SEC16B: variants seen among roughly 807,000 people sequenced by gnomAD.
SEC16B encodes SEC16 homolog B, endoplasmic reticulum export factor.
A neutral mutation model predicts 141.8 loss-of-function variants in SEC16B; 115 were observed. The ratio of observed to expected loss-of-function variants is 0.81; its 90% CI spans 0.70 to 0.95. The LOEUF (loss-of-function observed/expected upper bound fraction) is 0.95, where lower values mean the gene tolerates loss of function less well. Ranked by LOEUF, SEC16B falls within the 40% of genes least tolerant of loss-of-function variation. The pLI is 0.00. For missense variants in SEC16B, 1,291 were observed against 1,312.3 expected, an observed-to-expected ratio of 0.98 and a Z score of 0.25; for synonymous variants, 493 against 492.5, an observed-to-expected ratio of 1.00 and a Z score of -0.01.
At chr1:177,971,493 G>A (rs1653952695), upstream of SEC16B, 1 of 152,186 alleles carries the variant, frequency 6.6e-6, no homozygotes, top group South Asian at 2.1e-4. Context: ...CACATTAACA[G>A]CAGGAATCAG....
rs760211404 is a variant in SEC16B at position 177,929,866 on chromosome 1, G to A, written c.3175C>T (p.Pro1059Ser). 4 of 1,613,880 alleles carry A rather than the reference G, an allele frequency of 2.5e-6. No individual in the cohort carries two copies. The East Asian group carries it at 8.9e-5, about 36-fold the overall frequency. The change falls in exon 26 of 26, where the codon CCA (proline) becomes TCA (serine). Residue 1059 changes from proline (P) to serine (S), a missense_variant. Coordinates refer to ENST00000308284, the MANE Select transcript of SEC16B (RefSeq NM_033127.4). Reference sequence around the variant, plus strand: ...GGGACGTGTGTTTATTCTCAGCATGGCTGGGTGGGATAGCGACGCTGAGCT... The same window carrying A: ...GGGACGTGTGTTTATTCTCAGCATGACTGGGTGGGATAGCGACGCTGAGCT... The part of the protein sequence containing the change: ...RLAQRRYPTQ[P>S]C
In SEC16B at chr1:177,933,512, T is replaced by C. The variant is rs1557966181; in HGVS notation, c.2696A>G (p.Lys899Arg). The change falls in exon 21 of 26, where the codon AAG (lysine) becomes AGG (arginine). Residue 899 changes from lysine to arginine, a missense_variant. Lys to Arg is a conservative substitution (Grantham distance 26, BLOSUM62 2). Around this residue, in one of 3 missense-constraint regions of SEC16B, gnomAD observed 605 missense variants for 614.1 expected, o/e 0.99. Coordinates refer to ENST00000308284, the MANE Select transcript of SEC16B (RefSeq NM_033127.4). ...NSPRNTAQRG[K>R]LGDGKEHTKS... ...TGTATGCTCCTTCCCATCTCCGAGCTTGCCTCTCTGGGCAGTATTTCGGGG... is the reference window on the plus strand; with the variant it reads ...TGTATGCTCCTTCCCATCTCCGAGCCTGCCTCTCTGGGCAGTATTTCGGGG... 1.9e-6 allele frequency: 3 copies of C among 1,613,784 alleles called. No homozygotes were observed. Among genetic ancestry groups the C allele is most frequent in the East Asian group, 2.2e-5 (1 of 44,874 alleles).
chr1:177,961,290 G>C lies in SEC16B; in HGVS notation c.787+300C>G, dbSNP rs1447817884. On this transcript the variant is annotated intron_variant, in intron 6 of 25. Transcript: ENST00000308284. ...ACAAAGCAATGAAGCTTTGCATCTTGCTTTTGCTTTTCCTAATTCTCTCTG... is the reference window on the plus strand; with the variant it reads ...ACAAAGCAATGAAGCTTTGCATCTTCCTTTTGCTTTTCCTAATTCTCTCTG... The C allele has an allele frequency of 1.1e-5, 5 of 450,474 alleles. No individual in the cohort carries two copies. In the East Asian group the frequency reaches 2.1e-4, roughly 19 times the overall value. 27.9% of individuals were successfully genotyped at this position (450,474 alleles called of 1,614,324 possible).
At chr1:177,946,676 T>C in intron 13 of SEC16B, 145 bp from the exon 14 acceptor site, 1 of 625,700 alleles carries the variant, frequency 1.6e-6, no homozygotes, top group Non-Finnish European at 2.8e-6. Flanking sequence ...GAGCCTTTCA[T>C]AGCGTGAGTC....
chr1:177,960,702 G>T, intron 7 of SEC16B, 89 bp downstream of exon 7: 1 of 1,402,992 alleles, frequency 7.1e-7, no homozygotes, highest in Non-Finnish European at 9.6e-7. Flanking sequence ...GAGATGCCCC[G>T]GCTCAGGCAC....
intron 15 of SEC16B, 122 bp from the exon 16 acceptor site, chr1:177,942,162 A>C (rs1651326556): frequency 1.8e-6 from 2 of 1,088,138 alleles, no homozygotes; most frequent in Non-Finnish European, 2.6e-6. Context: ...TCCAAATACC[A>C]AGAGGCTTGT....
At chr1:177,974,123 CTT>C (rs5778969), upstream of SEC16B, among the ~76,000 whole-genome samples, 3 of 150,120 alleles carry the variant, frequency 2.0e-5, no homozygotes, top group South Asian at 2.1e-4. Context: ...GAAATGCTAC[CTT>C]TTTTTTTTAT....
intron 20 of SEC16B, among the ~76,000 whole-genome samples, chr1:177,935,353 C>A (rs1159661096): frequency 6.6e-6 from 1 of 152,094 alleles, no homozygotes; most frequent in African/African-American, 2.4e-5. Flanking sequence ...GCGCTACTTT[C>A]ATAAAATCAA....
rs1654443811 is a variant in SEC16B, at chr1:177,982,154, C to T, written c.-59+2052G>A. ...CAAATTACATAAGAACTCAAAAGTG[C>T]CCACTGGAGTCCATAGGGTTGGTGA... On this transcript the variant is annotated intron_variant and NMD_transcript_variant, in intron 1 of 24. Coordinates refer to the SEC16B transcript ENST00000528461. Among the ~76,000 whole-genome samples the T allele has an allele frequency of 5.3e-5, 8 of 152,132 alleles. No individual in the cohort carries two copies. In the South Asian group the frequency reaches 1.7e-3, roughly 32 times the overall value.
At chr1:177,978,721 A>G (rs1370600509) in intron 1 of SEC16B, among the ~76,000 whole-genome samples, 1 of 143,920 alleles carries the variant, frequency 6.9e-6, no homozygotes, top group Non-Finnish European at 1.5e-5. Context: ...ATAAATAAAT[A>G]AATAAATAAA....
intron 20 of SEC16B, 128 bp downstream of exon 20, chr1:177,936,170 G>C (rs879247784): frequency 4.1e-6 from 3 of 727,208 alleles, no homozygotes; most frequent in African/African-American, 3.5e-5. Context: ...AAGGCAAGGC[G>C]AGATGTGGAA....
intron 20 of SEC16B, among the ~76,000 whole-genome samples, chr1:177,936,011 A>C (rs1324848214): frequency 6.6e-6 from 1 of 152,250 alleles, no homozygotes; most frequent in Non-Finnish European, 1.5e-5. Context: ...TTTGTGCAGC[A>C]CTGAGAAGAT....
chr1:177,982,786 T>C (rs957608422), intron 1 of SEC16B, among the ~76,000 whole-genome samples: 1 of 152,198 alleles, frequency 6.6e-6, no homozygotes, highest in Non-Finnish European at 1.5e-5. Context: ...TCACACTTAT[T>C]TCAAGCAATT....
upstream of SEC16B, chr1:177,973,211 T>C (rs1422959309): frequency 6.6e-6 from 1 of 152,230 alleles, no homozygotes; most frequent in African/African-American, 2.4e-5. Context: ...AGGTCAGGTT[T>C]GCCAGGAATC....
At chr1:177,963,902 T>C (rs1653283717) in intron 5 of SEC16B, among the ~76,000 whole-genome samples, 1 of 152,160 alleles carries the variant, frequency 6.6e-6, no homozygotes, top group Non-Finnish European at 1.5e-5. Context: ...TCCCAGTATG[T>C]TGGAGTGAGC....
Position 177,958,954 on chromosome 1 carries a change from A to G in SEC16B, c.1020T>C (p.Asp340=), listed in dbSNP as rs774793179. 6.8e-6 allele frequency: 11 copies of G among 1,613,418 alleles called. No homozygotes were observed. The South Asian group carries it at 1.1e-4, about 16-fold the overall frequency. ...PLIREDVHKV[D]IMTFCQQKAA... Reference sequence around the variant, plus strand: ...CTTTCTGCTGGCAAAACGTCATAATATCCACCTTATGTACATCTTCCCTAC... The same window carrying G: ...CTTTCTGCTGGCAAAACGTCATAATGTCCACCTTATGTACATCTTCCCTAC... Residue 340 remains aspartate, a synonymous_variant, in exon 9 of 26, where the codon GAT becomes GAC. Transcript: ENST00000308284.
At chr1:177,969,424 A>T (rs1015046931) in intron 1 of SEC16B, among the ~76,000 whole-genome samples, 19 of 152,176 alleles carry the variant, frequency 1.2e-4, no homozygotes, top group Admixed American at 1.2e-3. Context: ...GCCAGGTGCA[A>T]TGACAGCCTT....
chr1:177,961,620 C>T lies in SEC16B; in HGVS notation c.757G>A (p.Ala253Thr). The T allele has an allele frequency of 6.2e-7, 1 of 1,613,790 alleles. No individual in the cohort carries two copies. Among genetic ancestry groups the T allele is most frequent in the Non-Finnish European group, 8.5e-7 (1 of 1,179,836 alleles). The change falls in exon 6 of 26, where the codon GCT (alanine) becomes ACT (threonine). Residue 253 changes from alanine (A) to threonine (T), a missense_variant. Around this residue, in one of 3 missense-constraint regions of SEC16B, gnomAD observed 681 missense variants for 675.5 expected, o/e 1.01. Coordinates refer to ENST00000308284, the MANE Select transcript of SEC16B (RefSeq NM_033127.4). ...RDAPERDDPP[A>T]SAAWSPVQAD... ...TGAACTGGACTCCAAGCTGCTGAAGCTGGGGGATCATCCCGCTCCGGGGCA... is the reference window on the plus strand; with the variant it reads ...TGAACTGGACTCCAAGCTGCTGAAGTTGGGGGATCATCCCGCTCCGGGGCA...
At chr1:177,940,015 G>T (rs776452616) in intron 17 of SEC16B, among the ~76,000 whole-genome samples, 6 of 152,118 alleles carry the variant, frequency 3.9e-5, no homozygotes, top group African/African-American at 1.4e-4. Flanking sequence ...AGGAAGGAGC[G>T]CATGGAAAGA....
Sources: gnomAD v4.1 joint callset for allele counts (sites outside exome capture counted in the v4.1 genomes callset) on GRCh38, gnomAD v4.1.1 for gene constraint, gnomAD v4.1.1 regional missense constraint, MANE v1.5 for transcripts, NCBI Gene and HGNC (gene_info 2026-07-23, HGNC 2026-07-21) for gene names.